Variants in ZNF654 observed in about 807,000 individuals in gnomAD.
ZNF654 encodes the protein melanoma-associated antigen.
Under a neutral mutation model 95.3 loss-of-function variants are expected in ZNF654, and 19 were observed. The observed-to-expected ratio is 0.20, with a 90% CI of 0.14 to 0.29. ZNF654 has a LOEUF of 0.29. ZNF654 is among the 10% of genes least tolerant of loss of function. The probability of loss-of-function intolerance (pLI) is 1.00; values close to 1 mark genes in which losing one functional copy is unlikely to be tolerated. For synonymous variants in ZNF654, 413 were observed against 457.9 expected (o/e 0.90, Z 1.25); for missense variants, 1,046 against 1,341.0 (o/e 0.78, Z 3.44).
rs374266455 is a variant in ZNF654 at position 88,140,916 on chromosome 3, G to A, written c.3247G>A (p.Val1083Met). The change falls in exon 8 of 9, where the codon GTG (valine) becomes ATG (methionine). Residue 1083 changes from valine to methionine, a missense_variant. Transcript: ENST00000636215. ...AGATGCCTGTTCTGATCAAGATAAC[G>A]TGTATAAAAAATCAGTGAAAAGATT... is the stretch of plus-strand genomic sequence containing the variant. ...RVDACSDQDNVYKKSVKRLRC... is the reference protein window; with the variant it reads ...RVDACSDQDNMYKKSVKRLRC... 34 of 1,613,508 alleles carry A rather than the reference G, an allele frequency of 2.1e-5. No individual in the cohort carries two copies. In the Middle Eastern group the frequency reaches 4.9e-4, roughly 23 times the overall value.
chr3:88,067,434 G>A (rs1707262009), intron 1 of ZNF654, among the ~76,000 whole-genome samples: 1 of 152,170 alleles, frequency 6.6e-6, no homozygotes, highest in Non-Finnish European at 1.5e-5. Context: ...GATGGTATTC[G>A]AAGTCATATG....
intron 2 of ZNF654, among the ~76,000 whole-genome samples, chr3:88,091,072 A>G (rs568605777): frequency 6.6e-6 from 1 of 152,310 alleles, no homozygotes; most frequent in East Asian, 1.9e-4. Flanking sequence ...CATGCTATAC[A>G]GGTTTGTAGC....
Position 88,135,170 on chromosome 3 carries a change from A to C in ZNF654, c.1003A>C (p.Ile335Leu). ...AAGAACAGCAACTAATGTGAGAGTCATATTTCCTTTCATGAAAATCATCAA... is the reference window on the plus strand; with the variant it reads ...AAGAACAGCAACTAATGTGAGAGTCCTATTTCCTTTCATGAAAATCATCAA... ...LLRTATNVRV[I>L]FPFMKIIKDE... is the part of the protein sequence containing the mutation. The change falls in exon 7 of 9, where the codon ATA becomes CTA. Residue 335 changes from isoleucine (I) to leucine (L), a missense_variant. Coordinates refer to ENST00000636215, the MANE Select transcript of ZNF654 (RefSeq NM_001350134.2). The C allele has an allele frequency of 6.7e-7, 1 of 1,482,144 alleles. No homozygotes were observed. Among genetic ancestry groups the C allele is most frequent in the Non-Finnish European group, 8.9e-7 (1 of 1,122,762 alleles). The allele number at this position is 1,482,144 out of a possible 1,614,324, so 91.8% of individuals were successfully genotyped here. A position where few individuals can be genotyped will look rare whatever the true frequency, so the allele number is the denominator to read the frequency against.
intron 3 of ZNF654, among the ~76,000 whole-genome samples, chr3:88,114,077 T>A (rs961464716): frequency 1.3e-5 from 2 of 152,188 alleles, no homozygotes; most frequent in African/African-American, 4.8e-5. Context: ...AGTGTGCTAA[T>A]GCACTAAGGT....
chr3:88,135,433 C>G (rs896925204), intron 7 of ZNF654: 1 of 313,344 alleles, frequency 3.2e-6, no homozygotes, highest in African/African-American at 2.1e-5. Context: ...CCATTACAAC[C>G]TTTTTTCTTA....
intron 2 of ZNF654, among the ~76,000 whole-genome samples, chr3:88,102,992 T>TA: frequency 6.6e-6 from 1 of 152,226 alleles, no homozygotes; most frequent in Non-Finnish European, 1.5e-5. Context: ...TCTGCCCCAC[T>TA]AGTAGTCTCC....
intron 1 of ZNF654, among the ~76,000 whole-genome samples, chr3:88,062,774 C>T (rs1323218076): frequency 6.6e-6 from 1 of 151,956 alleles, no homozygotes; most frequent in Admixed American, 6.6e-5. Flanking sequence ...AGTCATGCCA[C>T]GAGGATGTCA....
intron 2 of ZNF654, among the ~76,000 whole-genome samples, chr3:88,087,091 GT>G (rs1181433169): frequency 1.3e-5 from 2 of 150,008 alleles, no homozygotes; most frequent in African/African-American, 2.5e-5. Flanking sequence ...CCATTGTTTT[GT>G]TTTTTTGAGA....
rs887075769 is a variant in ZNF654 at position 88,099,798 on chromosome 3, C to T, written c.333-13317C>T. 2.0e-4 allele frequency among the ~76,000 whole-genome samples: 31 copies of T among 152,288 alleles called. 1 individual carries two copies. Among genetic ancestry groups the T allele is most frequent in the South Asian group, 6.2e-4 (3 of 4,822 alleles). ...GTAGAAAGCTGAAAATGGGTCCCTT[C>T]CTTACACCTTATACAAAAATTAATT... On this transcript the variant is annotated intron_variant, in intron 2 of 8. Coordinates refer to ENST00000636215, the MANE Select transcript of ZNF654 (RefSeq NM_001350134.2).
chr3:88,078,183 TC>T (rs1707914129), intron 1 of ZNF654, among the ~76,000 whole-genome samples: 1 of 152,252 alleles, frequency 6.6e-6, no homozygotes, highest in Non-Finnish European at 1.5e-5. Flanking sequence ...TGGAATTAAT[TC>T]CTATAACATT....
At chr3:88,136,159 C>T (rs1706771886) in intron 7 of ZNF654, among the ~76,000 whole-genome samples, 1 of 152,064 alleles carries the variant, frequency 6.6e-6, no homozygotes, top group Non-Finnish European at 1.5e-5. Flanking sequence ...TCAGAATCAC[C>T]TGTAAAACTT....
chr3:88,105,695 AT>A (rs573422927), intron 2 of ZNF654, among the ~76,000 whole-genome samples: 4 of 151,762 alleles, frequency 2.6e-5, no homozygotes. Context: ...CAATCTTCTG[AT>A]TTTTTTTGAC....
intron 3 of ZNF654, among the ~76,000 whole-genome samples, chr3:88,114,739 T>C (rs184321516): frequency 3.0e-4 from 45 of 152,304 alleles, no homozygotes; most frequent in African/African-American, 1.1e-3. Flanking sequence ...CTTCATTTGC[T>C]GACCTGAGCT....
At chr3:88,129,629 C>T (rs1177276060) in intron 5 of ZNF654, 58 bp from the exon 6 acceptor site, 7 of 1,254,786 alleles carry the variant, frequency 5.6e-6, no homozygotes, top group African/African-American at 1.5e-5. Context: ...ACATTTATTG[C>T]AACTAGCTTC....
At chr3:88,124,721 C>G (rs950968118) in intron 3 of ZNF654, among the ~76,000 whole-genome samples, 1 of 150,898 alleles carries the variant, frequency 6.6e-6, no homozygotes. Flanking sequence ...TTTGTGAGCA[C>G]AGAATTAAAT....
chr3:88,063,422 A>G (rs1241138316), intron 1 of ZNF654, among the ~76,000 whole-genome samples: 3 of 152,164 alleles, frequency 2.0e-5, no homozygotes, highest in Non-Finnish European at 4.4e-5. Context: ...CAGAAAAGAG[A>G]GTTTGTCCCA....
intron 3 of ZNF654, among the ~76,000 whole-genome samples, chr3:88,117,463 A>G (rs986552937): frequency 6.6e-6 from 1 of 152,198 alleles, no homozygotes; most frequent in Non-Finnish European, 1.5e-5. Context: ...AGTTTATAAG[A>G]TAGAGCAACA....
Position 88,115,118 on chromosome 3 carries a change from C to T in ZNF654, c.414+1922C>T, listed in dbSNP as rs551651778. Among the ~76,000 whole-genome samples the T allele has an allele frequency of 3.2e-3, 493 of 152,168 alleles. 4 individuals carry two copies. Among genetic ancestry groups the T allele is most frequent in the African/African-American group, 0.011 (460 of 41,500 alleles). ...CATATTTTAATGTACATAAAGATCA[C>T]CTGGGGATCTTGTTAAAATTTAGAT... On this transcript the variant is annotated intron_variant, in intron 3 of 8. Coordinates refer to ENST00000636215, the MANE Select transcript of ZNF654 (RefSeq NM_001350134.2).
intron 1 of ZNF654, among the ~76,000 whole-genome samples, chr3:88,064,304 G>T (rs1444619762): frequency 6.6e-6 from 1 of 151,848 alleles, no homozygotes; most frequent in Non-Finnish European, 1.5e-5. Context: ...AAGGAGATAG[G>T]GACTATCTTA....
Sources: allele counts gnomAD v4.1 joint callset (sites outside exome capture counted in the v4.1 genomes callset), GRCh38; gene constraint gnomAD v4.1.1; transcripts MANE v1.5; gene names NCBI Gene and HGNC (gene_info 2026-07-23, HGNC 2026-07-21).